The following CUX2 variants were observed in gnomAD, a reference collection of about 807,000 sequenced individuals.
CUX2 encodes the protein cut like homeobox 2.
Under a neutral mutation model 144.8 loss-of-function variants are expected in CUX2, and 40 were observed. The ratio of observed to expected loss-of-function variants is 0.28; its 90% CI spans 0.21 to 0.36. The LOEUF is 0.36. Ranked by LOEUF, CUX2 falls within the 10% of genes least tolerant of loss-of-function variation. The pLI, the probability that CUX2 is intolerant of heterozygous loss-of-function variation, is 1.00. For synonymous variants in CUX2, 827 were observed against 875.6 expected, an observed-to-expected ratio of 0.94 and a Z score of 0.98; for missense variants, 1,615 against 1,994.0, an observed-to-expected ratio of 0.81 and a Z score of 3.62.
intron 1 of CUX2, among the ~76,000 whole-genome samples, chr12:111,195,245 C>T (rs545343727): frequency 1.3e-5 from 2 of 152,300 alleles, no homozygotes; most frequent in African/African-American, 4.8e-5. Flanking sequence ...TTTCCCTCCC[C>T]TGACTGTTCC....
intron 14 of CUX2, 93 bp downstream of exon 14, chr12:111,308,619 T>TG: frequency 1.9e-6 from 2 of 1,061,702 alleles, no homozygotes; most frequent in Non-Finnish European, 2.8e-6. Context: ...CTGCCTTCCA[T>TG]GCAGGCAGGA....
intron 1 of CUX2, among the ~76,000 whole-genome samples, chr12:111,170,545 C>CTTTTTT (rs34282526): frequency 2.5e-5 from 2 of 79,940 alleles, no homozygotes; most frequent in Non-Finnish European, 4.6e-5. Context: ...CCCAGCTCTT[C>CTTTTTT]TTTTTTTTTT....
At chr12:111,298,688 A>G (rs1413341465) in intron 9 of CUX2, 99 bp downstream of exon 9, 4 of 1,222,000 alleles carry the variant, frequency 3.3e-6, no homozygotes, top group Admixed American at 2.0e-5. Flanking sequence ...AGCTTCATCA[A>G]TATTTATTCA....
At chr12:111,333,789 A>G (rs1449356531) in intron 18 of CUX2, among the ~76,000 whole-genome samples, 2 of 151,046 alleles carry the variant, frequency 1.3e-5, no homozygotes, top group Non-Finnish European at 1.5e-5. Flanking sequence ...AACCCGGGAA[A>G]GAGGTTGCAG....
intron 1 of CUX2, among the ~76,000 whole-genome samples, chr12:111,047,252 A>G (rs1870042841): frequency 6.6e-6 from 1 of 152,220 alleles, no homozygotes; most frequent in African/African-American, 2.4e-5. Context: ...GTCATTATCA[A>G]GATTTATTTA....
intron 4 of CUX2, among the ~76,000 whole-genome samples, chr12:111,284,796 A>G (rs1332859004): frequency 6.6e-6 from 1 of 152,184 alleles, no homozygotes; most frequent in African/African-American, 2.4e-5. Context: ...GCAGCTCGGA[A>G]GGGCCTCTGG....
In CUX2 at chr12:111,094,691, G is replaced by T. The variant is rs186474788; in HGVS notation, c.63+60451G>T. 2.0e-3 allele frequency among the ~76,000 whole-genome samples: 312 copies of T among 152,228 alleles called. 2 individuals are homozygous for T. Among genetic ancestry groups the T allele is most frequent in the African/African-American group, 7.2e-3 (299 of 41,536 alleles). ...TTTTCTGGGCTGGGGGGAGATGGAGGTCTCACTGTTTGCCCAGGCTGGTCT... is the reference window on the plus strand; with the variant it reads ...TTTTCTGGGCTGGGGGGAGATGGAGTTCTCACTGTTTGCCCAGGCTGGTCT... On this transcript the variant is annotated intron_variant, in intron 1 of 21. Coordinates refer to ENST00000261726, the MANE Select transcript of CUX2 (RefSeq NM_015267.4).
At chr12:111,319,889 A>G in intron 16 of CUX2, 123 bp from the exon 17 acceptor site, 1 of 1,336,792 alleles carries the variant, frequency 7.5e-7, no homozygotes, top group Non-Finnish European at 9.7e-7. Flanking sequence ...GCCAATCCCC[A>G]GTTGCTGGAC....
At chr12:111,326,947 C>T (rs1409117274) in intron 18 of CUX2, among the ~76,000 whole-genome samples, 1 of 152,076 alleles carries the variant, frequency 6.6e-6, no homozygotes, top group Admixed American at 6.6e-5. Context: ...GTAAAATGTA[C>T]CTTTTAAACC....
intron 3 of CUX2, among the ~76,000 whole-genome samples, chr12:111,231,546 A>G (rs77767532): frequency 2.2e-3 from 337 of 152,282 alleles, no homozygotes; most frequent in African/African-American, 7.8e-3. Flanking sequence ...CAGAGGTGCA[A>G]TTGCATGCTT....
At chr12:111,238,927 C>T (rs943820281) in intron 3 of CUX2, among the ~76,000 whole-genome samples, 4 of 152,234 alleles carry the variant, frequency 2.6e-5, no homozygotes, top group Admixed American at 6.5e-5. Flanking sequence ...TGCCTGTAGT[C>T]TCAGCTACTC....
chr12:111,173,421 G>A (rs113539137), intron 1 of CUX2, among the ~76,000 whole-genome samples: 1,607 of 152,324 alleles, frequency 0.011, 38 homozygotes, highest in African/African-American at 0.037. Flanking sequence ...GTTCATTTGA[G>A]CATTCATTCA....
At chr12:111,249,436 CCTTTTTTTGTT>C (rs1402817925) in intron 3 of CUX2, among the ~76,000 whole-genome samples, 7,002 of 134,830 alleles carry the variant, frequency 0.052, 474 homozygotes, top group African/African-American at 0.15. Flanking sequence ...ATTAATAGAC[CCTTTTTTTGTT>C]TTTTTTTTTT....
At chr12:111,170,766 A>G (rs1878472449) in intron 1 of CUX2, among the ~76,000 whole-genome samples, 2 of 151,976 alleles carry the variant, frequency 1.3e-5, no homozygotes, top group Admixed American at 1.3e-4. Flanking sequence ...GAACTTTGAC[A>G]TCACTTCCTC....
intron 18 of CUX2, among the ~76,000 whole-genome samples, chr12:111,327,326 C>T (rs1207205721): frequency 1.3e-5 from 2 of 152,142 alleles, no homozygotes; most frequent in Non-Finnish European, 2.9e-5. Flanking sequence ...GAATAATGCG[C>T]CTATGAAAAT....
In CUX2 at chr12:111,320,127, G is replaced by T. The variant is rs755091721; in HGVS notation, c.2118G>T (p.Ala706=). The T allele has an allele frequency of 6.4e-7, 1 of 1,555,184 alleles. No homozygotes were observed. The highest frequency in any genetic ancestry group is 8.7e-7 in the Non-Finnish European group (1 of 1,153,890). The part of the protein sequence containing the change: ...ILEQARREMQ[A]QQQALLEMEV... Reference sequence around the variant, plus strand: ...AGCAGGCACGCCGTGAGATGCAGGCGCAACAGCAGGCGCTGCTGGAGATGG... The same window carrying T: ...AGCAGGCACGCCGTGAGATGCAGGCTCAACAGCAGGCGCTGCTGGAGATGG... The change falls in exon 17 of 22, where the codon GCG becomes GCT. Residue 706 remains alanine (A), a synonymous_variant. Coordinates refer to ENST00000261726, the MANE Select transcript of CUX2 (RefSeq NM_015267.4). This position sits in a 1 kb window ranked among gnomAD's most constrained non-coding sequence, Gnocchi z 8.1.
At chr12:111,311,044 G>T (rs1162403010) in intron 15 of CUX2, among the ~76,000 whole-genome samples, 1 of 152,204 alleles carries the variant, frequency 6.6e-6, no homozygotes, top group Admixed American at 6.5e-5. Flanking sequence ...TGATTTTTCA[G>T]GTAATCAGTA....
At chr12:111,272,063 G>A (rs1321531436) in intron 4 of CUX2, among the ~76,000 whole-genome samples, 3 of 152,138 alleles carry the variant, frequency 2.0e-5, no homozygotes, top group Non-Finnish European at 2.9e-5. Context: ...AATCTTTCTC[G>A]CCTCAAGGGT....
intron 4 of CUX2, among the ~76,000 whole-genome samples, chr12:111,290,751 A>T (rs529423581): frequency 1.3e-5 from 2 of 152,082 alleles, no homozygotes; most frequent in East Asian, 3.9e-4. Flanking sequence ...TTTTGCAGAG[A>T]TGAGATCTTG....
Sources: allele counts gnomAD v4.1 joint callset (sites outside exome capture counted in the v4.1 genomes callset), GRCh38; gene constraint gnomAD v4.1.1; non-coding constraint Gnocchi (gnomAD v3.1); transcripts MANE v1.5; gene names NCBI Gene and HGNC (gene_info 2026-07-23, HGNC 2026-07-21).